The following IQSEC2 variants were observed in gnomAD, a reference collection of about 807,000 sequenced individuals.
IQSEC2 encodes the protein IQ motif and Sec7 domain ArfGEF 2.
In IQSEC2, 6 loss-of-function variants were observed where a neutral mutation model predicts 74.6. The observed-to-expected ratio is 0.08, with a 90% CI of 0.04 to 0.16. The LOEUF (loss-of-function observed/expected upper bound fraction) is 0.16, where lower values mean the gene tolerates loss of function less well. IQSEC2 is among the 10% of genes least tolerant of loss of function. IQSEC2 has a pLI of 1.00. For missense variants in IQSEC2, 734 were observed against 1,306.2 expected (o/e 0.56, Z 6.75); for synonymous variants, 494 against 544.5 (o/e 0.91, Z 1.29).
chrX:53,227,381 AT>A (rs2074046885), downstream of IQSEC2: 1 of 256,993 alleles, frequency 3.9e-6, no homozygotes, highest in Non-Finnish European at 6.9e-6. Flanking sequence ...TTCCAGAAAG[AT>A]TAAACAACTT....
chrX:53,230,335 C>T (rs1269029613), downstream of IQSEC2: 1 of 112,928 alleles, frequency 8.9e-6, no homozygotes, highest in Non-Finnish European at 1.9e-5. Flanking sequence ...TCCTGAAACT[C>T]TTATCCTACA....
At chrX:53,247,960 C>T (rs1556862377) in intron 7 of IQSEC2, among the ~76,000 whole-genome samples, 154 bp downstream of exon 7, 1 of 112,416 alleles carries the variant, frequency 8.9e-6, no homozygotes, top group African/African-American at 3.2e-5. Context: ...ATATGCACTA[C>T]CTCTGATCCT....
Position 53,254,810 on chromosome X carries a change from G to A in IQSEC2, c.1121C>T (p.Ala374Val), listed in dbSNP as rs1556864692. 1 of 1,204,537 alleles carries A rather than the reference G, an allele frequency of 8.3e-7. No individual in the cohort carries two copies. The highest frequency in any genetic ancestry group is 1.7e-5 in the African/African-American group (1 of 57,755). ...NKNFERLRSS[A>V]SESRMSRRII... ...GCGGCGGGACATGCGGCTCTCTGAG[G>A]CTGAGCTGCGTAGCCGCTCAAAGTT... Residue 374 changes from alanine to valine, a missense_variant, in exon 4 of 15, where the codon GCC becomes GTC. Ala to Val is a moderately conservative substitution (Grantham distance 64). Coordinates refer to ENST00000642864, the MANE Select transcript of IQSEC2 (RefSeq NM_001111125.3).
At chrX:53,316,878 C>T (rs782243145) in intron 1 of IQSEC2, among the ~76,000 whole-genome samples, 1 of 110,029 alleles carries the variant, frequency 9.1e-6, no homozygotes, top group Non-Finnish European at 1.9e-5. Flanking sequence ...CCAGGCCAGC[C>T]CCTCTAGTTG....
chrX:53,254,448 C>T, intron 4 of IQSEC2, 82 bp downstream of exon 4: 1 of 977,077 alleles, frequency 1.0e-6, no homozygotes, highest in Non-Finnish European at 1.4e-6. Flanking sequence ...CAACTTCTTT[C>T]AGTTTGCAAT....
Position 53,239,536 on chromosome X carries a change from T to C in IQSEC2, c.3016-242A>G, listed in dbSNP as rs146633237. On this transcript the variant is annotated intron_variant, in intron 10 of 14. Coordinates refer to ENST00000642864, the MANE Select transcript of IQSEC2 (RefSeq NM_001111125.3). ...AGACATTTACCACATTTCCAGAAAC[T>C]AACTGAATCCTGCTTCCTCCAGGAA... is the stretch of plus-strand genomic sequence containing the variant. 519 of 351,832 alleles carry C rather than the reference T, an allele frequency of 1.5e-3. 5 individuals carry two copies. The highest frequency in any genetic ancestry group is 0.013 in the African/African-American group (490 of 38,123). 29.0% of individuals were successfully genotyped at this position (351,832 alleles called of 1,213,427 possible). A position where few individuals can be genotyped will look rare whatever the true frequency, so the allele number is the denominator to read the frequency against.
In IQSEC2 at chrX:53,320,741, G is replaced by A. The variant is rs924550519; in HGVS notation, c.383C>T (p.Ala128Val). The change falls in exon 1 of 15, where the codon GCT becomes GTT. Residue 128 changes from alanine to valine, a missense_variant. Around this residue, in one of 12 missense-constraint regions of IQSEC2, gnomAD observed 134 missense variants for 214.9 expected, o/e 0.62. Coordinates refer to ENST00000642864, the MANE Select transcript of IQSEC2 (RefSeq NM_001111125.3). ...GTCCCGCTCCTTGTCCCGATACACA[G>A]CCTCCCGATTCTGGTAGGCGCCTTC... is the stretch of plus-strand genomic sequence containing the variant. ...NREGAYQNRE[A>V]VYRDKERDAS... 8.6e-7 allele frequency: 1 copy of A among 1,167,549 alleles called. No homozygotes were observed.
chrX:53,247,989 T>C, intron 7 of IQSEC2, 125 bp downstream of exon 7: 2 of 875,582 alleles, frequency 2.3e-6, no homozygotes, highest in South Asian at 2.3e-5. Context: ...CCTTGCAAGA[T>C]AGGATTTATC....
intron 1 of IQSEC2, among the ~76,000 whole-genome samples, chrX:53,308,089 G>A (rs782620477): frequency 6.9e-4 from 70 of 101,915 alleles, no homozygotes; most frequent in Non-Finnish European, 1.2e-3. Context: ...GCTTGAACCC[G>A]GGAGGCAGAG....
chrX:53,317,060 CCCT>C, intron 1 of IQSEC2, among the ~76,000 whole-genome samples: 1 of 110,548 alleles, frequency 9.0e-6, no homozygotes, highest in East Asian at 2.8e-4. Flanking sequence ...CAGCAGGGGC[CCCT>C]AGCACTCCTA....
At chrX:53,275,335 G>A (rs1236488610) in intron 2 of IQSEC2, among the ~76,000 whole-genome samples, 1 of 110,497 alleles carries the variant, frequency 9.1e-6, no homozygotes, top group Non-Finnish European at 1.9e-5. Context: ...GCTAATTTTT[G>A]TATTTTTGGT....
intron 8 of IQSEC2, among the ~76,000 whole-genome samples, chrX:53,246,136 A>G (rs1377910432): frequency 9.0e-6 from 1 of 111,719 alleles, no homozygotes; most frequent in African/African-American, 3.3e-5. Context: ...TGCTGGGATT[A>G]CAGGTGTGAG....
intron 2 of IQSEC2, among the ~76,000 whole-genome samples, chrX:53,290,102 G>T (rs1220717475): frequency 9.0e-6 from 1 of 111,462 alleles, no homozygotes; most frequent in African/African-American, 3.3e-5. Context: ...AGGCAGACTT[G>T]GGTTTGAATC....
rs1419967970 is a variant in IQSEC2, at chrX:53,291,967, C to G, written c.708-43G>C. ...AAAAAAAACCAAAACGGTCAGTATACGCTCTCTTCTCCCTCTGCCCTAGGT... is the reference window on the plus strand; with the variant it reads ...AAAAAAAACCAAAACGGTCAGTATAGGCTCTCTTCTCCCTCTGCCCTAGGT... On this transcript the variant is annotated intron_variant, in intron 1 of 14. Coordinates refer to ENST00000642864, the MANE Select transcript of IQSEC2 (RefSeq NM_001111125.3). 17 of 1,124,848 alleles carry G rather than the reference C, an allele frequency of 1.5e-5. No individual in the cohort carries two copies. The East Asian group carries it at 2.6e-4, about 17-fold the overall frequency. The allele number at this position is 1,124,848 out of a possible 1,213,427, so 92.7% of individuals were successfully genotyped here. A position where few individuals can be genotyped will look rare whatever the true frequency, so the allele number is the denominator to read the frequency against.
chrX:53,255,040 C>T (rs1375168907), intron 3 of IQSEC2, 109 bp from the exon 4 acceptor site: 9 of 773,281 alleles, frequency 1.2e-5, no homozygotes, highest in Admixed American at 8.1e-5. Context: ...CTGCTTACAG[C>T]CACCGAGAGC....
chrX:53,260,980 C>T (rs1366780048), intron 2 of IQSEC2, among the ~76,000 whole-genome samples: 1 of 111,224 alleles, frequency 9.0e-6, no homozygotes, highest in Non-Finnish European at 1.9e-5. Flanking sequence ...GCAATTCCTC[C>T]CTTGAGAGCT....
chrX:53,266,388 GC>G (rs1451788111), intron 2 of IQSEC2: 1 of 751,534 alleles, frequency 1.3e-6, no homozygotes, highest in Non-Finnish European at 1.6e-6. Flanking sequence ...ACTCTGAGAG[GC>G]CTTTTCCTCC....
intron 2 of IQSEC2, among the ~76,000 whole-genome samples, chrX:53,278,074 A>G (rs1486720722): frequency 1.1e-5 from 1 of 88,314 alleles, no homozygotes; most frequent in Non-Finnish European, 2.1e-5. Context: ...GCAGTGGTGC[A>G]ATCTCGGCTC....
At chrX:53,303,200 CAAAAAAA>C (rs374516627) in intron 1 of IQSEC2, among the ~76,000 whole-genome samples, 31 of 63,374 alleles carry the variant, frequency 4.9e-4, no homozygotes, top group Non-Finnish European at 2.6e-4. Context: ...GAGACTCTGT[CAAAAAAA>C]AAAAAAAAGG....
Sources: allele counts gnomAD v4.1 joint callset (sites outside exome capture counted in the v4.1 genomes callset), GRCh38; gene constraint gnomAD v4.1.1; regional missense constraint gnomAD v4.1.1; transcripts MANE v1.5; gene names NCBI Gene and HGNC (gene_info 2026-07-23, HGNC 2026-07-21).